Variants in ALK observed in about 807,000 individuals in gnomAD.
ALK encodes the protein ALK tyrosine kinase receptor.
ALK carries 74 observed loss-of-function variants against 163.1 expected under a neutral mutation model. The ratio of observed to expected loss-of-function variants is 0.45; its 90% CI spans 0.38 to 0.55. ALK has a LOEUF of 0.55. ALK is among the 20% of genes least tolerant of loss of function. ALK has a pLI of 0.00. For synonymous variants in ALK, 960 were observed against 843.2 expected, an observed-to-expected ratio of 1.14 and a Z score of -2.40; for missense variants, 2,063 against 2,105.3, an observed-to-expected ratio of 0.98 and a Z score of 0.39.
chr2:29,635,333 A>G (rs1676489469), intron 3 of ALK, among the ~76,000 whole-genome samples: 1 of 152,218 alleles, frequency 6.6e-6, no homozygotes, highest in African/African-American at 2.4e-5. Context: ...GATCTTGACA[A>G]GGGGGTATTA....
At chr2:29,226,244 C>T (rs866120738) in intron 18 of ALK, among the ~76,000 whole-genome samples, 9 of 151,860 alleles carry the variant, frequency 5.9e-5, no homozygotes, top group Middle Eastern at 3.4e-3. Context: ...TTTGGGAGGC[C>T]GAGGCGGGTG....
At chr2:29,222,036 T>C (rs1669817795) in intron 22 of ALK, among the ~76,000 whole-genome samples, 1 of 152,176 alleles carries the variant, frequency 6.6e-6, no homozygotes, top group African/African-American at 2.4e-5. Context: ...TGTCAAAGTC[T>C]AGCATGCTCC....
chr2:29,529,714 C>G (rs1204095016), intron 4 of ALK, among the ~76,000 whole-genome samples: 2 of 152,230 alleles, frequency 1.3e-5, no homozygotes, highest in African/African-American at 2.4e-5. Context: ...TCTACCCTCA[C>G]CACACAGATC....
intron 9 of ALK, among the ~76,000 whole-genome samples, chr2:29,293,971 A>AT (rs1239840207): frequency 6.6e-6 from 1 of 152,168 alleles, no homozygotes; most frequent in Non-Finnish European, 1.5e-5. Flanking sequence ...TTGGGACAGC[A>AT]TAGGGAATAA....
intron 1 of ALK, among the ~76,000 whole-genome samples, chr2:29,775,121 G>A (rs1459674269): frequency 1.3e-5 from 2 of 152,140 alleles, no homozygotes; most frequent in Non-Finnish European, 2.9e-5. Context: ...CATTGAAAGT[G>A]TCAATAAGCA....
At chr2:29,425,485 C>T (rs545762888) in intron 4 of ALK, among the ~76,000 whole-genome samples, 2 of 152,310 alleles carry the variant, frequency 1.3e-5, no homozygotes, top group South Asian at 4.2e-4. Context: ...AGAGTGGAGT[C>T]TCTACCTCAG....
rs567630687 is a variant in ALK, at chr2:29,669,442, C to T, written c.952+25408G>A. Among the ~76,000 whole-genome samples the T allele has an allele frequency of 4.1e-4, 63 of 152,090 alleles. No individual in the cohort carries two copies. In the South Asian group the frequency reaches 7.1e-3, roughly 17 times the overall value. On this transcript the variant is annotated intron_variant, in intron 3 of 28. Coordinates refer to ENST00000389048, the MANE Select transcript of ALK (RefSeq NM_004304.5). ...CCTGTCCTTTTTTGGATTCCAGTTG[C>T]ATGGAATATCTTTTTTCACCCCTTC...
chr2:29,448,314 G>A (rs933577064), intron 4 of ALK, among the ~76,000 whole-genome samples: 3 of 152,152 alleles, frequency 2.0e-5, no homozygotes, highest in Admixed American at 6.5e-5. Flanking sequence ...AATTTAGGAG[G>A]GAGGCTGGCT....
intron 1 of ALK, among the ~76,000 whole-genome samples, chr2:29,831,217 GGAAGAGGAAGAA>G (rs1665398548): frequency 4.9e-5 from 2 of 41,034 alleles, no homozygotes; most frequent in African/African-American, 1.5e-4. Context: ...AAGAGGAAGA[GGAAGAGGAAGAA>G]GAAGAGGAAG....
At chr2:29,583,183 C>T (rs988660164) in intron 3 of ALK, among the ~76,000 whole-genome samples, 6 of 151,948 alleles carry the variant, frequency 3.9e-5, no homozygotes, top group Admixed American at 3.9e-4. Flanking sequence ...CCAGCCCAAA[C>T]CCAGCACTCT....
chr2:29,697,989 AAG>A (rs1678622539), intron 2 of ALK, among the ~76,000 whole-genome samples: 1 of 152,210 alleles, frequency 6.6e-6, no homozygotes, highest in Admixed American at 6.5e-5. Context: ...TGTAGGAGAA[AAG>A]AAAAAAATCC....
At chr2:29,252,985 C>A (rs989424536) in intron 11 of ALK, among the ~76,000 whole-genome samples, 2 of 151,840 alleles carry the variant, frequency 1.3e-5, no homozygotes, top group Non-Finnish European at 2.9e-5. Flanking sequence ...CCACCAAGCC[C>A]AGCTAATTTT....
At chr2:29,376,453 A>G (rs752143986) in intron 5 of ALK, among the ~76,000 whole-genome samples, 8 of 152,234 alleles carry the variant, frequency 5.3e-5, no homozygotes, top group Non-Finnish European at 1.2e-4. Flanking sequence ...GTAGAATGGA[A>G]ATGTTAAAGG....
At chr2:29,487,124 C>T (rs771373185) in intron 4 of ALK, among the ~76,000 whole-genome samples, 27 of 152,160 alleles carry the variant, frequency 1.8e-4, no homozygotes, top group Non-Finnish European at 3.5e-4. Context: ...AATTAATTAA[C>T]AAGCGATACT....
chr2:29,352,365 G>T (rs912294398), intron 5 of ALK, among the ~76,000 whole-genome samples: 1 of 152,240 alleles, frequency 6.6e-6, no homozygotes. Flanking sequence ...CCGGAGCCAA[G>T]CAGGCTGGTC....
chr2:29,573,266 T>TA (rs1324810965), intron 3 of ALK, among the ~76,000 whole-genome samples: 1 of 152,170 alleles, frequency 6.6e-6, no homozygotes, highest in Non-Finnish European at 1.5e-5. Context: ...AATTTCATGA[T>TA]ATAGTTATGC....
At position 29,706,423 on chromosome 2, in the gene ALK, C is replaced by T. The variant is rs1195748642; in HGVS notation, c.787+11155G>A. On this transcript the variant is annotated intron_variant, in intron 2 of 28. Coordinates refer to ENST00000389048, the MANE Select transcript of ALK (RefSeq NM_004304.5). The stretch of plus-strand genomic sequence containing the variant: ...CACTAAGTATCCAACCTGGCCCCTA[C>T]CCCCTCTGCCCACAACCACTGTTCA... Among the ~76,000 whole-genome samples the T allele has an allele frequency of 2.0e-5, 3 of 152,324 alleles. No individual in the cohort carries two copies. In the East Asian group the frequency reaches 5.8e-4, roughly 29 times the overall value.
intron 1 of ALK, among the ~76,000 whole-genome samples, chr2:29,727,939 A>C (rs755664405): frequency 1.3e-5 from 2 of 152,198 alleles, no homozygotes; most frequent in Non-Finnish European, 2.9e-5. Context: ...CACAGGAAGG[A>C]AAGATGCTTC....
At chr2:29,262,897 G>A (rs1665124627) in intron 11 of ALK, among the ~76,000 whole-genome samples, 1 of 152,248 alleles carries the variant, frequency 6.6e-6, no homozygotes, top group African/African-American at 2.4e-5. Context: ...CCAAGGGAAA[G>A]TCAGGAACAC....
Sources: allele counts gnomAD v4.1 joint callset (sites outside exome capture counted in the v4.1 genomes callset), GRCh38; gene constraint gnomAD v4.1.1; transcripts MANE v1.5; gene names NCBI Gene and HGNC (gene_info 2026-07-23, HGNC 2026-07-21).